FANCL: variants seen among roughly 807,000 people sequenced by gnomAD.
FANCL encodes E3 ubiquitin-protein ligase FANCL.
In FANCL, 69 loss-of-function variants were observed where a neutral mutation model predicts 59.4. The observed-to-expected ratio is 1.16, with a 90% confidence interval of 0.96 to 1.42. FANCL has a LOEUF of 1.42. Ranked by LOEUF, FANCL falls within the 40% of genes most tolerant of loss-of-function variation. FANCL has a pLI of 0.00. For missense variants in FANCL, 519 were observed against 447.2 expected (o/e 1.16, Z -1.45); for synonymous variants, 180 against 147.1 (o/e 1.22, Z -1.62).
chr2:58,165,474 CTAAT>C (rs1288523357), intron 8 of FANCL, among the ~76,000 whole-genome samples: 2 of 152,128 alleles, frequency 1.3e-5, no homozygotes, highest in Admixed American at 1.3e-4. Flanking sequence ...TAATTAGCAG[CTAAT>C]TAAACTCTAC....
At chr2:58,198,234 GAC>G (rs1185730284) in intron 7 of FANCL, among the ~76,000 whole-genome samples, 2 of 152,090 alleles carry the variant, frequency 1.3e-5, no homozygotes, top group Non-Finnish European at 2.9e-5. Flanking sequence ...AACCTATAAT[GAC>G]TACCTAAGTA....
chr2:58,198,589 T>C lies in FANCL; in HGVS notation c.540+5A>G. Reference sequence around the variant, plus strand: ...AATTTAAGAATTTACCTGAGGAGAATTTACCTGAGGTGTCCAGGAGGCACA... The same window carrying C: ...AATTTAAGAATTTACCTGAGGAGAACTTACCTGAGGTGTCCAGGAGGCACA... On this transcript the variant is annotated splice_donor_5th_base_variant and intron_variant, in intron 7 of 13. Transcript: ENST00000233741. The C allele has an allele frequency of 6.2e-7, 1 of 1,611,608 alleles. No homozygotes were observed. Among genetic ancestry groups the C allele is most frequent in the Non-Finnish European group, 8.5e-7 (1 of 1,177,936 alleles).
At chr2:58,181,870 C>A (rs1687973488) in intron 7 of FANCL, among the ~76,000 whole-genome samples, 1 of 151,636 alleles carries the variant, frequency 6.6e-6, no homozygotes, top group South Asian at 2.1e-4. Flanking sequence ...ATTATTATTT[C>A]TGGATTAGGT....
intron 7 of FANCL, among the ~76,000 whole-genome samples, chr2:58,192,625 A>C (rs1042699734): frequency 1.3e-5 from 2 of 151,948 alleles, no homozygotes; most frequent in Non-Finnish European, 2.9e-5. Flanking sequence ...ATTACAATAT[A>C]GTTATTTGGG....
At chr2:58,216,440 A>G (rs1691730588) in intron 5 of FANCL, among the ~76,000 whole-genome samples, 1 of 152,196 alleles carries the variant, frequency 6.6e-6, no homozygotes, top group African/African-American at 2.4e-5. Flanking sequence ...AGCAGGGGCA[A>G]TGAGAAAAGG....
intron 7 of FANCL, among the ~76,000 whole-genome samples, chr2:58,177,824 A>C (rs909186578): frequency 1.6e-4 from 25 of 151,728 alleles, no homozygotes; most frequent in Non-Finnish European, 2.8e-4. Context: ...AACAAAAAAA[A>C]CCCAAATAGA....
At chr2:58,190,497 T>A (rs1391468756) in intron 7 of FANCL, among the ~76,000 whole-genome samples, 1 of 148,160 alleles carries the variant, frequency 6.7e-6, no homozygotes, top group Admixed American at 6.7e-5. Context: ...CCAAGCCAAT[T>A]AGTGGACCAG....
Position 58,191,767 on chromosome 2 carries a change from G to GCT in FANCL, c.540+6825_540+6826dup, listed in dbSNP as rs569845607. ...AGAGACTACTTCTTTGCCCATATTA[G>GCT]CTCTCACTATATTAAGAGTTCACCA... On this transcript the variant is annotated intron_variant, in intron 7 of 13. Coordinates refer to ENST00000233741, the MANE Select transcript of FANCL (RefSeq NM_018062.4). 6.6e-5 allele frequency among the ~76,000 whole-genome samples: 10 copies of GCT among 151,456 alleles called. No homozygotes were observed. The Middle Eastern group carries it at 0.027, about 412-fold the overall frequency.
At chr2:58,191,871 C>G (rs1441516582) in intron 7 of FANCL, among the ~76,000 whole-genome samples, 1 of 151,860 alleles carries the variant, frequency 6.6e-6, no homozygotes, top group Non-Finnish European at 1.5e-5. Context: ...TTTTCATATA[C>G]AACACCCCAA....
intron 5 of FANCL, among the ~76,000 whole-genome samples, chr2:58,211,642 T>C (rs1366373786): frequency 6.6e-6 from 1 of 152,214 alleles, no homozygotes; most frequent in Non-Finnish European, 1.5e-5. Context: ...CTTTTAAAAC[T>C]AAATGCTTTT....
At chr2:58,181,950 A>C (rs1201455608) in intron 7 of FANCL, among the ~76,000 whole-genome samples, 1 of 151,702 alleles carries the variant, frequency 6.6e-6, no homozygotes, top group Non-Finnish European at 1.5e-5. Context: ...TCAAATCTAT[A>C]TATTTAAATA....
chr2:58,178,608 A>C, intron 7 of FANCL, among the ~76,000 whole-genome samples: 1 of 152,310 alleles, frequency 6.6e-6, no homozygotes, highest in African/African-American at 2.4e-5. Context: ...ATTTATGACA[A>C]ACCCACAGTC....
chr2:58,172,157 C>T (rs571946278), intron 7 of FANCL, among the ~76,000 whole-genome samples: 1 of 152,350 alleles, frequency 6.6e-6, no homozygotes, highest in Non-Finnish European at 1.5e-5. Context: ...CTGTAGGCTC[C>T]ACCTCTGGGG....
intron 7 of FANCL, among the ~76,000 whole-genome samples, chr2:58,172,363 G>T (rs931459411): frequency 2.6e-5 from 4 of 152,190 alleles, no homozygotes; most frequent in Non-Finnish European, 5.9e-5. Flanking sequence ...AGTAGGGGCA[G>T]ACTGACACCT....
rs1244309380 is a variant in FANCL at position 58,174,487 on chromosome 2, C to T, written c.541-8613G>A. Among the ~76,000 whole-genome samples the T allele has an allele frequency of 2.6e-5, 4 of 152,168 alleles. No individual in the cohort carries two copies. The South Asian group carries it at 6.2e-4, about 24-fold the overall frequency. The stretch of plus-strand genomic sequence containing the variant: ...CTAGAACTCAGGATTAAGAAACTCA[C>T]TCAAAACCGCTCATCTACATGGAAA... On this transcript the variant is annotated intron_variant, in intron 7 of 13. Transcript: ENST00000233741.
chr2:58,218,387 T>C (rs933013540), intron 5 of FANCL, among the ~76,000 whole-genome samples: 1 of 151,848 alleles, frequency 6.6e-6, no homozygotes, highest in Non-Finnish European at 1.5e-5. Context: ...ATAATTGATA[T>C]GGCTCTTGCA....
At chr2:58,175,642 A>C (rs185926077) in intron 7 of FANCL, among the ~76,000 whole-genome samples, 2,997 of 152,266 alleles carry the variant, frequency 0.02, 110 homozygotes, top group African/African-American at 0.069. Context: ...TCTCAAAATA[A>C]TAAGAGCTAT....
intron 5 of FANCL, among the ~76,000 whole-genome samples, chr2:58,212,710 A>G (rs1163984169): frequency 6.6e-6 from 1 of 152,194 alleles, no homozygotes; most frequent in Non-Finnish European, 1.5e-5. Context: ...AAACCCACCA[A>G]GACATCATTT....
At chr2:58,222,526 A>C (rs773114848) in intron 4 of FANCL, among the ~76,000 whole-genome samples, 9 of 151,934 alleles carry the variant, frequency 5.9e-5, no homozygotes, top group Non-Finnish European at 8.8e-5. Context: ...CCACATGCTA[A>C]TTTTTTTCAC....
Sources: gnomAD v4.1 joint callset for allele counts (sites outside exome capture counted in the v4.1 genomes callset) on GRCh38, gnomAD v4.1.1 for gene constraint, MANE v1.5 for transcripts, NCBI Gene and HGNC (gene_info 2026-07-23, HGNC 2026-07-21) for gene names.